The following RCAN2 variants were observed in gnomAD, a reference collection of about 807,000 sequenced individuals.
RCAN2 encodes the protein calcipressin-2.
In RCAN2, 9 loss-of-function variants were observed where a neutral mutation model predicts 23.6. The observed-to-expected ratio is 0.38, with a 90% CI of 0.23 to 0.67. The LOEUF (loss-of-function observed/expected upper bound fraction) is 0.67. Ranked by LOEUF, RCAN2 falls within the 30% of genes least tolerant of loss-of-function variation. RCAN2 has a pLI of 0.51. For missense variants in RCAN2, 273 were observed against 302.3 expected, an observed-to-expected ratio of 0.90 and a Z score of 0.72; for synonymous variants, 109 against 115.7, an observed-to-expected ratio of 0.94 and a Z score of 0.37.
At chr6:46,359,195 C>A (rs1375475014) in intron 2 of RCAN2, among the ~76,000 whole-genome samples, 3 of 152,142 alleles carry the variant, frequency 2.0e-5, no homozygotes, top group Non-Finnish European at 2.9e-5. Context: ...TGCTCTAAGG[C>A]GTAACAGGTG....
chr6:46,450,752 G>T (rs1037157411), intron 2 of RCAN2, among the ~76,000 whole-genome samples: 3 of 151,982 alleles, frequency 2.0e-5, no homozygotes, highest in African/African-American at 7.2e-5. Flanking sequence ...CATAGAAACC[G>T]AGAGTAGAAT....
chr6:46,363,421 A>C (rs533003065), intron 2 of RCAN2, among the ~76,000 whole-genome samples: 1 of 152,310 alleles, frequency 6.6e-6, no homozygotes, highest in South Asian at 2.1e-4. Flanking sequence ...AATAAATTTC[A>C]CTTTAAAAAT....
rs1184944943 is a variant in RCAN2, at chr6:46,387,088, T to C, written c.225+69664A>G. The stretch of plus-strand genomic sequence containing the variant: ...AACTGGATCCCTTCCTTACACCTTA[T>C]ACAAAAATTAATTCAAGATGGACTA... On this transcript the variant is annotated intron_variant, in intron 2 of 4. Transcript: ENST00000371374. Among the ~76,000 whole-genome samples, 4 of 152,118 alleles carry C rather than the reference T, an allele frequency of 2.6e-5. No homozygotes were observed. In the East Asian group the frequency reaches 7.7e-4, roughly 29 times the overall value.
At position 46,396,782 on chromosome 6, in the gene RCAN2, T is replaced by C. The variant is rs1766101983; in HGVS notation, c.225+59970A>G. Among the ~76,000 whole-genome samples, 2 of 152,210 alleles carry C rather than the reference T, an allele frequency of 1.3e-5. 1 individual carries two copies. The highest frequency in any genetic ancestry group is 4.1e-4 in the South Asian group (2 of 4,832). ...TTTCAAAGAGGCATCTATCCCTTCT[T>C]ATCTCTATTACAACCATCTTGATAT... is the stretch of plus-strand genomic sequence containing the variant. On this transcript the variant is annotated intron_variant, in intron 2 of 4. Coordinates refer to ENST00000371374, the MANE Select transcript of RCAN2 (RefSeq NM_001251974.2).
intron 2 of RCAN2, among the ~76,000 whole-genome samples, chr6:46,387,089 AC>A (rs1376346933): frequency 1.3e-5 from 2 of 152,208 alleles, no homozygotes; most frequent in African/African-American, 4.8e-5. Context: ...TACACCTTAT[AC>A]AAAAATTAAT....
rs71305761 is a variant in RCAN2, at chr6:46,383,168, A to AGTGTGTGT, written c.225+73576_225+73583dup. On this transcript the variant is annotated intron_variant, in intron 2 of 4. Coordinates refer to ENST00000371374, the MANE Select transcript of RCAN2 (RefSeq NM_001251974.2). ...AGGAAAAGATTCGTGCAGCCTGGGTAGTGTGTGTGTGTGTGTGTGTGTGTG... is the reference window on the plus strand; with the variant it reads ...AGGAAAAGATTCGTGCAGCCTGGGTAGTGTGTGTGTGTGTGTGTGTGTGTGTGTGTGTG... Among the ~76,000 whole-genome samples, 393 of 139,388 alleles carry AGTGTGTGT rather than the reference A, an allele frequency of 2.8e-3. 1 individual carries two copies. Among genetic ancestry groups the AGTGTGTGT allele is most frequent in the East Asian group, 0.012 (54 of 4,682 alleles). 91.4% of individuals were successfully genotyped at this position (139,388 alleles called of 152,430 possible). A position where few individuals can be genotyped will look rare whatever the true frequency, so the allele number is the denominator to read the frequency against.
chr6:46,413,016 A>G (rs1340006426), intron 2 of RCAN2, among the ~76,000 whole-genome samples: 2 of 152,232 alleles, frequency 1.3e-5, no homozygotes, highest in Non-Finnish European at 2.9e-5. Context: ...CACTTTCTTC[A>G]TATTAAAAAT....
At chr6:46,346,651 C>T (rs1340719673) in intron 2 of RCAN2, among the ~76,000 whole-genome samples, 1 of 151,878 alleles carries the variant, frequency 6.6e-6, no homozygotes, top group Non-Finnish European at 1.5e-5. Flanking sequence ...TTTATATAGT[C>T]AGATCCTGTT....
At chr6:46,461,549 T>C (rs1163270110) in intron 1 of RCAN2, among the ~76,000 whole-genome samples, 2 of 151,882 alleles carry the variant, frequency 1.3e-5, no homozygotes, top group South Asian at 2.1e-4. Context: ...AAGCTGTAAA[T>C]AGGGGGCCTT....
intron 2 of RCAN2, among the ~76,000 whole-genome samples, chr6:46,333,933 G>T (rs906076109): frequency 6.6e-6 from 1 of 152,184 alleles, no homozygotes; most frequent in South Asian, 2.1e-4. Flanking sequence ...AGGTGTTAAG[G>T]TTTGTTCCTA....
At chr6:46,451,038 A>G (rs1031525599) in intron 2 of RCAN2, among the ~76,000 whole-genome samples, 4 of 152,150 alleles carry the variant, frequency 2.6e-5, no homozygotes, top group Admixed American at 1.3e-4. Context: ...ATAAATGTAT[A>G]CATAATTTTT....
At chr6:46,235,881 C>A (rs1056399063) in intron 4 of RCAN2, among the ~76,000 whole-genome samples, 1 of 152,168 alleles carries the variant, frequency 6.6e-6, no homozygotes, top group African/African-American at 2.4e-5. Flanking sequence ...CCTAAGACAA[C>A]AGTTGGAGAG....
intron 1 of RCAN2, among the ~76,000 whole-genome samples, chr6:46,478,620 C>T (rs17216694): frequency 0.42 from 64,544 of 151,932 alleles, 16,325 homozygotes; most frequent in Non-Finnish European, 0.57. Context: ...CACTGCCCTC[C>T]GATCTAGTGC....
At chr6:46,366,410 C>T (rs1043631046) in intron 2 of RCAN2, among the ~76,000 whole-genome samples, 1 of 152,132 alleles carries the variant, frequency 6.6e-6, no homozygotes, top group Non-Finnish European at 1.5e-5. Context: ...TTCCAAAGAT[C>T]ACTGGCCATA....
chr6:46,410,573 G>A (rs1185894166), intron 2 of RCAN2, among the ~76,000 whole-genome samples: 1 of 152,120 alleles, frequency 6.6e-6, no homozygotes, highest in African/African-American at 2.4e-5. Context: ...AGAAATAATT[G>A]TTACATAACT....
At chr6:46,238,525 G>A (rs894315603) in intron 4 of RCAN2, among the ~76,000 whole-genome samples, 1 of 152,146 alleles carries the variant, frequency 6.6e-6, no homozygotes, top group Non-Finnish European at 1.5e-5. Context: ...GAGCAGCACT[G>A]AGCTAAGAGC....
At chr6:46,418,234 A>G (rs1208892898) in intron 2 of RCAN2, among the ~76,000 whole-genome samples, 3 of 152,314 alleles carry the variant, frequency 2.0e-5, no homozygotes, top group Admixed American at 1.3e-4. Flanking sequence ...AAACACTTTA[A>G]AACTCTAAAG....
rs150855858 is a variant in RCAN2, at chr6:46,235,100, T to C, written c.571+11648A>G. On this transcript the variant is annotated intron_variant, in intron 4 of 4. Transcript: ENST00000371374. Reference sequence around the variant, plus strand: ...ACTTGGCCACCTCTTAAATTCTTTCTAAAATAATCAGTATGATTATGCAAA... The same window carrying C: ...ACTTGGCCACCTCTTAAATTCTTTCCAAAATAATCAGTATGATTATGCAAA... Among the ~76,000 whole-genome samples, 6 of 152,324 alleles carry C rather than the reference T, an allele frequency of 3.9e-5. No individual in the cohort carries two copies. The East Asian group carries it at 1.2e-3, about 29-fold the overall frequency.
At chr6:46,366,304 A>C (rs934030105) in intron 2 of RCAN2, among the ~76,000 whole-genome samples, 3 of 152,148 alleles carry the variant, frequency 2.0e-5, no homozygotes, top group Admixed American at 2.0e-4. Flanking sequence ...ATGTCTCCCC[A>C]GGCAAAAATT....
Sources: gnomAD v4.1 joint callset for allele counts (sites outside exome capture counted in the v4.1 genomes callset) on GRCh38, gnomAD v4.1.1 for gene constraint, MANE v1.5 for transcripts, NCBI Gene and HGNC (gene_info 2026-07-23, HGNC 2026-07-21) for gene names.